The following SAV1 variants were observed in gnomAD, a reference collection of about 807,000 sequenced individuals.
The protein encoded by SAV1 is salvador family WW domain containing protein 1.
A neutral mutation model predicts 47.3 loss-of-function variants in SAV1; 23 were observed. The observed-to-expected ratio is 0.49, with a 90% CI of 0.35 to 0.69. The LOEUF (loss-of-function observed/expected upper bound fraction) is 0.69. SAV1 is among the 30% of genes least tolerant of loss of function. The probability of loss-of-function intolerance (pLI) is 0.01; values close to 1 mark genes in which losing one functional copy is unlikely to be tolerated. For missense variants in SAV1, 448 were observed against 457.4 expected (o/e 0.98, Z 0.19); for synonymous variants, 155 against 159.2 (o/e 0.97, Z 0.20).
intron 2 of SAV1, among the ~76,000 whole-genome samples, chr14:50,659,170 T>C (rs1216813775): frequency 1.3e-5 from 2 of 150,520 alleles, no homozygotes; most frequent in Non-Finnish European, 2.9e-5. Flanking sequence ...CAATCTGATA[T>C]AAAAGAGCCT....
intron 1 of SAV1, among the ~76,000 whole-genome samples, chr14:50,666,585 G>T (rs2039903002): frequency 6.6e-6 from 1 of 152,066 alleles, no homozygotes; most frequent in African/African-American, 2.4e-5. Context: ...AAAGTTATTT[G>T]CTTAACTGTG....
intron 1 of SAV1, among the ~76,000 whole-genome samples, chr14:50,667,654 C>T (rs1378704202): frequency 5.4e-5 from 6 of 110,486 alleles, no homozygotes; most frequent in Admixed American, 2.3e-4. Context: ...AGGGGGTGCT[C>T]TTGGGGGGGT....
chr14:50,640,448 T>C (rs1356755653), intron 4 of SAV1, among the ~76,000 whole-genome samples: 2 of 152,200 alleles, frequency 1.3e-5, no homozygotes, highest in Non-Finnish European at 2.9e-5. Context: ...ACAAGTACTG[T>C]ATCACTTATT....
At chr14:50,667,539 C>G (rs2039912943) in intron 1 of SAV1, 1 of 488,842 alleles carries the variant, frequency 2.0e-6, no homozygotes, top group South Asian at 1.6e-5. Context: ...ATTACTTTTA[C>G]TCCTATAGCA....
intron 2 of SAV1, among the ~76,000 whole-genome samples, chr14:50,663,643 T>C (rs1163145536): frequency 6.6e-6 from 1 of 152,204 alleles, no homozygotes; most frequent in Non-Finnish European, 1.5e-5. Flanking sequence ...TGCTTTCTCC[T>C]AAACTCTAAT....
intron 2 of SAV1, among the ~76,000 whole-genome samples, chr14:50,660,615 T>C (rs1044028347): frequency 1.3e-5 from 2 of 152,240 alleles, no homozygotes; most frequent in South Asian, 2.1e-4. Context: ...CATTTCTATG[T>C]GTTGGGAACA....
Position 50,645,000 on chromosome 14 carries a change from C to T in SAV1, c.550G>A (p.Ala184Thr), listed in dbSNP as rs2039709911. ...GTCAAATTTCCTAAAGATGTAGCAG[C>T]AACTCTCCCAATACCTACGGGGAAA... ...GRHASGIGRVAATSLGNLTNH... is the reference protein window; with the variant it reads ...GRHASGIGRVTATSLGNLTNH... Residue 184 changes from alanine to threonine, a missense_variant, in exon 3 of 5, where the codon GCT becomes ACT. Ala to Thr is a moderately conservative substitution (Grantham distance 58, BLOSUM62 0). Coordinates refer to ENST00000324679, the MANE Select transcript of SAV1 (RefSeq NM_021818.4). 1 of 1,610,152 alleles carries T rather than the reference C, an allele frequency of 6.2e-7. No individual in the cohort carries two copies. Among genetic ancestry groups the T allele is most frequent in the Non-Finnish European group, 8.5e-7 (1 of 1,179,746 alleles).
At chr14:50,645,576 A>G (rs977232622) in intron 2 of SAV1, among the ~76,000 whole-genome samples, 6 of 152,170 alleles carry the variant, frequency 3.9e-5, no homozygotes, top group Admixed American at 6.6e-5. Flanking sequence ...CAAAATAAAA[A>G]AAAAAATCCA....
intron 2 of SAV1, among the ~76,000 whole-genome samples, chr14:50,662,335 A>AT (rs2039867212): frequency 6.6e-6 from 1 of 152,016 alleles, no homozygotes; most frequent in African/African-American, 2.4e-5. Context: ...CGCCCGGCTA[A>AT]TTTTTTTATT....
At chr14:50,641,441 G>A (rs1248776444) in intron 3 of SAV1, among the ~76,000 whole-genome samples, 1 of 152,076 alleles carries the variant, frequency 6.6e-6, no homozygotes, top group East Asian at 1.9e-4. Context: ...GTATGCTGTG[G>A]GGAGTGGAGA....
chr14:50,656,566 C>T (rs1023762046), intron 2 of SAV1, among the ~76,000 whole-genome samples: 7 of 151,886 alleles, frequency 4.6e-5, no homozygotes, highest in African/African-American at 1.7e-4. Context: ...CCTCAGCCTC[C>T]TGAGTAGCTG....
At chr14:50,662,549 A>G (rs560492057) in intron 2 of SAV1, 5 of 152,210 alleles carry the variant, frequency 3.3e-5, no homozygotes, top group African/African-American at 1.2e-4. Context: ...TTGTGACTGG[A>G]AAGTTGCTTT....
Position 50,665,735 on chromosome 14 carries a change from C to T in SAV1, c.95-116G>A, listed in dbSNP as rs556860599. ...CAAAATGTCAGTCAACTTAAGAAAA[C>T]ACAATTTTAAATTTTGGTTTAGGAT... is the stretch of plus-strand genomic sequence containing the variant. On this transcript the variant is annotated intron_variant, in intron 1 of 4. Transcript: ENST00000324679. 2.4e-5 allele frequency: 23 copies of T among 951,246 alleles called. No individual in the cohort carries two copies. In the African/African-American group the frequency reaches 2.7e-4, roughly 11 times the overall value. 58.9% of individuals were successfully genotyped at this position (951,246 alleles called of 1,614,324 possible).
At position 50,644,769 on chromosome 14, in the gene SAV1, G is replaced by T; in HGVS notation, c.781C>A (p.Gln261Lys). The T allele has an allele frequency of 6.2e-7, 1 of 1,614,004 alleles. No homozygotes were observed. Among genetic ancestry groups the T allele is most frequent in the South Asian group, 1.1e-5 (1 of 91,074 alleles). ...CTAGGAGCACAGGGATGCCTGTATT[G>T]GGCCTTCTTATTTGTGTGATCTACA... ...YYVDHTNKKA[Q>K]YRHPCAPSVP... Residue 261 changes from glutamine to lysine, a missense_variant, in exon 3 of 5, where the codon CAA becomes AAA. Coordinates refer to ENST00000324679, the MANE Select transcript of SAV1 (RefSeq NM_021818.4).
At chr14:50,659,552 A>C (rs1271790550) in intron 2 of SAV1, among the ~76,000 whole-genome samples, 3 of 152,248 alleles carry the variant, frequency 2.0e-5, no homozygotes, top group Non-Finnish European at 4.4e-5. Flanking sequence ...GTTTCTTTTA[A>C]AGAACAATAA....
intron 4 of SAV1, among the ~76,000 whole-genome samples, chr14:50,639,164 A>C (rs1029031313): frequency 1.3e-5 from 2 of 152,250 alleles, no homozygotes; most frequent in Admixed American, 6.5e-5. Context: ...CTTTACAAAA[A>C]TTAAATACAA....
At chr14:50,658,378 G>A (rs2039830520) in intron 2 of SAV1, among the ~76,000 whole-genome samples, 1 of 152,188 alleles carries the variant, frequency 6.6e-6, no homozygotes, top group Non-Finnish European at 1.5e-5. Flanking sequence ...AAGACTTCCT[G>A]TTAACAGCAG....
At chr14:50,656,052 A>C (rs979641371) in intron 2 of SAV1, among the ~76,000 whole-genome samples, 1 of 152,216 alleles carries the variant, frequency 6.6e-6, no homozygotes, top group Non-Finnish European at 1.5e-5. Flanking sequence ...TCTCAAAAAC[A>C]AAAACAAAAA....
At chr14:50,650,839 C>T (rs192023991) in intron 2 of SAV1, among the ~76,000 whole-genome samples, 81 of 152,170 alleles carry the variant, frequency 5.3e-4, no homozygotes, top group African/African-American at 1.8e-3. Context: ...CGGGCCAAGA[C>T]GACAAAACCC....
Sources: gnomAD v4.1 joint callset for allele counts (sites outside exome capture counted in the v4.1 genomes callset) on GRCh38, gnomAD v4.1.1 for gene constraint, MANE v1.5 for transcripts, NCBI Gene and HGNC (gene_info 2026-07-23, HGNC 2026-07-21) for gene names.